ADARB2: variants seen among roughly 807,000 people sequenced by gnomAD.
ADARB2 encodes the protein adenosine deaminase RNA specific B2 (inactive), also known as inactive double-stranded RNA-specific editase B2.
Under a neutral mutation model 62.2 loss-of-function variants are expected in ADARB2, and 25 were observed. The ratio of observed to expected loss-of-function variants is 0.40; its 90% CI spans 0.29 to 0.56. The LOEUF (loss-of-function observed/expected upper bound fraction) is 0.56, where lower values mean the gene tolerates loss of function less well. Among genes scored for constraint, ADARB2 ranks in the 20% least tolerant of loss-of-function variants. ADARB2 has a pLI of 0.43. For missense variants in ADARB2, 1,071 were observed against 1,077.4 expected (o/e 0.99, Z 0.08); for synonymous variants, 572 against 500.8 (o/e 1.14, Z -1.90).
intron 1 of ADARB2, among the ~76,000 whole-genome samples, chr10:1,389,655 A>G (rs1006777045): frequency 6.6e-6 from 1 of 152,148 alleles, no homozygotes; most frequent in Non-Finnish European, 1.5e-5. Context: ...AGGTTCAAGA[A>G]TCGATTGAAC....
chr10:1,310,024 G>T (rs1190785013), intron 3 of ADARB2, among the ~76,000 whole-genome samples: 1 of 152,222 alleles, frequency 6.6e-6, no homozygotes, highest in East Asian at 1.9e-4. Flanking sequence ...GGGTCTTCAT[G>T]TGTTTCCTTT....
At chr10:1,224,730 G>A (rs959734454) in intron 6 of ADARB2, among the ~76,000 whole-genome samples, 2 of 152,248 alleles carry the variant, frequency 1.3e-5, no homozygotes, top group Admixed American at 6.5e-5. Flanking sequence ...ACGTAGTTGA[G>A]TGGTTTTGAG....
intron 1 of ADARB2, among the ~76,000 whole-genome samples, chr10:1,639,560 G>A (rs556310863): frequency 6.6e-6 from 1 of 152,210 alleles, no homozygotes; most frequent in East Asian, 1.9e-4. Context: ...AAAACACAAA[G>A]AGGGCCGGGC....
intron 3 of ADARB2, among the ~76,000 whole-genome samples, chr10:1,338,107 A>G (rs1223876346): frequency 6.6e-6 from 1 of 152,266 alleles, no homozygotes; most frequent in Non-Finnish European, 1.5e-5. Context: ...AAGCTAGTCC[A>G]TGTGGAAGGA....
chr10:1,305,752 G>A (rs1353852233), intron 3 of ADARB2, among the ~76,000 whole-genome samples: 3 of 152,244 alleles, frequency 2.0e-5, no homozygotes, highest in Non-Finnish European at 2.9e-5. Context: ...TTCAACATAC[G>A]AAAATCAATA....
intron 1 of ADARB2, among the ~76,000 whole-genome samples, chr10:1,680,483 G>T (rs1284172534): frequency 6.6e-6 from 1 of 152,076 alleles, no homozygotes; most frequent in Non-Finnish European, 1.5e-5. Context: ...CACCTGCCAG[G>T]ACTCCCGGGC....
chr10:1,491,453 C>T (rs1012214729), intron 1 of ADARB2, among the ~76,000 whole-genome samples: 1 of 152,146 alleles, frequency 6.6e-6, no homozygotes, highest in Non-Finnish European at 1.5e-5. Context: ...ATTTGTGTGC[C>T]TACAGAATGT....
At chr10:1,261,874 A>G (rs987909620) in intron 4 of ADARB2, among the ~76,000 whole-genome samples, 2 of 149,850 alleles carry the variant, frequency 1.3e-5, no homozygotes, top group Admixed American at 6.6e-5. Flanking sequence ...TCACAATAGC[A>G]AAGACTTGGA....
At chr10:1,594,745 G>C (rs1051656714) in intron 1 of ADARB2, among the ~76,000 whole-genome samples, 2 of 152,214 alleles carry the variant, frequency 1.3e-5, no homozygotes, top group Non-Finnish European at 2.9e-5. Flanking sequence ...GCTGGAGGAC[G>C]CTTAAAGAGC....
intron 1 of ADARB2, among the ~76,000 whole-genome samples, chr10:1,616,435 T>C (rs1322609023): frequency 1.3e-5 from 2 of 151,456 alleles, no homozygotes; most frequent in Non-Finnish European, 2.9e-5. Context: ...GAGGGTTGCA[T>C]TCTGTCGCTA....
chr10:1,200,426 G>C (rs1412606052), intron 7 of ADARB2: 12 of 485,718 alleles, frequency 2.5e-5, no homozygotes, highest in Non-Finnish European at 3.3e-5. Flanking sequence ...TGTTCTCTGT[G>C]GGACTTAGAA....
intron 1 of ADARB2, 88 bp from the exon 2 acceptor site, chr10:1,379,248 G>T: frequency 9.0e-7 from 1 of 1,110,444 alleles, no homozygotes; most frequent in Non-Finnish European, 1.4e-6. Flanking sequence ...CTGAATGTTG[G>T]ACAAGGGAGG....
intron 1 of ADARB2, among the ~76,000 whole-genome samples, chr10:1,714,797 A>T (rs894837324): frequency 6.6e-6 from 1 of 152,190 alleles, no homozygotes; most frequent in Admixed American, 6.5e-5. Context: ...TGGACAGCCC[A>T]TTGGAACCAG....
chr10:1,720,138 T>C (rs1408913176), intron 1 of ADARB2, among the ~76,000 whole-genome samples: 1 of 152,216 alleles, frequency 6.6e-6, no homozygotes, highest in Non-Finnish European at 1.5e-5. Flanking sequence ...TGCCTATTGA[T>C]GGTGGATTGG....
At chr10:1,223,002 T>C (rs1830708415) in intron 6 of ADARB2, among the ~76,000 whole-genome samples, 2 of 152,186 alleles carry the variant, frequency 1.3e-5, no homozygotes, top group Admixed American at 1.3e-4. Context: ...TAAATTACCT[T>C]GGGCAATATG....
At chr10:1,451,874 C>A (rs914244571) in intron 1 of ADARB2, among the ~76,000 whole-genome samples, 1 of 152,206 alleles carries the variant, frequency 6.6e-6, no homozygotes, top group Non-Finnish European at 1.5e-5. Context: ...TCTGTCTTCT[C>A]GCCCACATGT....
At chr10:1,485,619 C>T (rs919986043) in intron 1 of ADARB2, among the ~76,000 whole-genome samples, 1 of 152,202 alleles carries the variant, frequency 6.6e-6, no homozygotes, top group Non-Finnish European at 1.5e-5. Context: ...CTGGTCTGAT[C>T]CACAAGGCTG....
chr10:1,489,318 C>T (rs1311212227), intron 1 of ADARB2, among the ~76,000 whole-genome samples: 1 of 151,924 alleles, frequency 6.6e-6, no homozygotes, highest in Non-Finnish European at 1.5e-5. Context: ...CAGTGCCTCT[C>T]TGGGAGCTTC....
At chr10:1,640,004 G>A (rs76556861) in intron 1 of ADARB2, among the ~76,000 whole-genome samples, 1 of 152,184 alleles carries the variant, frequency 6.6e-6, no homozygotes, top group African/African-American at 2.4e-5. Flanking sequence ...CCTTAATGGG[G>A]TGTTGGCGGG....
Sources: gnomAD v4.1 joint callset for allele counts (sites outside exome capture counted in the v4.1 genomes callset) on GRCh38, gnomAD v4.1.1 for gene constraint, MANE v1.5 for transcripts, NCBI Gene and HGNC (gene_info 2026-07-23, HGNC 2026-07-21) for gene names.